ADGRE3: variants seen among roughly 807,000 people sequenced by gnomAD.
ADGRE3 encodes adhesion G protein-coupled receptor E3, also known as EGF-like module receptor 3.
ADGRE3 carries 88 observed loss-of-function variants against 80.1 expected under a neutral mutation model. The observed-to-expected ratio is 1.10, with a 90% CI of 0.93 to 1.31. ADGRE3 has a LOEUF of 1.31. Among genes scored for constraint, ADGRE3 ranks in the 40% most tolerant of loss-of-function variants. The probability of loss-of-function intolerance (pLI) is 0.00; values close to 1 mark genes in which losing one functional copy is unlikely to be tolerated. For missense variants in ADGRE3, 715 were observed against 776.5 expected (o/e 0.92, Z 0.94); for synonymous variants, 281 against 294.8 (o/e 0.95, Z 0.48).
intron 14 of ADGRE3, chr19:14,628,915 G>A (rs761960024): frequency 5.1e-5 from 8 of 156,202 alleles, no homozygotes; most frequent in Non-Finnish European, 1.1e-4. Flanking sequence ...TTGACTGGAA[G>A]CTTCTTCTTT....
At chr19:14,652,937 G>A (rs1971647956) in intron 6 of ADGRE3, among the ~76,000 whole-genome samples, 1 of 151,892 alleles carries the variant, frequency 6.6e-6, no homozygotes. Flanking sequence ...CATTTAGTAC[G>A]TTTTAATGAA....
intron 6 of ADGRE3, among the ~76,000 whole-genome samples, chr19:14,652,290 C>G (rs1455645960): frequency 6.6e-6 from 1 of 151,956 alleles, no homozygotes; most frequent in Non-Finnish European, 1.5e-5. Flanking sequence ...ATCAATTACA[C>G]CTTAATAAAG....
In ADGRE3 at chr19:14,641,503, G is replaced by C. The variant is rs1971245638; in HGVS notation, c.1164C>G (p.Ser388Arg). The change falls in exon 10 of 16, where the codon AGC (serine) becomes AGG (arginine). Residue 388 changes from serine (S) to arginine (R), a missense_variant. Coordinates refer to ENST00000253673, the MANE Select transcript of ADGRE3 (RefSeq NM_032571.5). ...FLLCKAIRNT[S>R]TSLHLQLSLC... ...GCGAGAGCTGCAGATGCAGTGAGGT[G>C]CTGGTGTTCCGGATGGCTTTACACA... 3.7e-6 allele frequency: 6 copies of C among 1,613,634 alleles called. No homozygotes were observed. The highest frequency in any genetic ancestry group is 5.1e-6 in the Non-Finnish European group (6 of 1,179,698).
chr19:14,601,655 G>A, the ADGRE3 span, among the ~76,000 whole-genome samples: 1 of 152,164 alleles, frequency 6.6e-6, no homozygotes, highest in South Asian at 2.1e-4. Context: ...GTCTCACTCT[G>A]TCACTCAAGC....
chr19:14,603,895 T>C, the ADGRE3 span, among the ~76,000 whole-genome samples: 41 of 152,306 alleles, frequency 2.7e-4, no homozygotes, highest in African/African-American at 9.6e-4. Flanking sequence ...CTTAAACTGC[T>C]CTGATTTTGG....
rs1337667332 is a variant in ADGRE3, at chr19:14,633,394, T to G, written c.1485-92A>C. The stretch of plus-strand genomic sequence containing the variant: ...TCTCTTTTCCTACCAGAGAATTGTT[T>G]CCAGTTTCTCTTGAAAGTCAGCTGA... On this transcript the variant is annotated intron_variant, in intron 11 of 15. Coordinates refer to ENST00000253673, the MANE Select transcript of ADGRE3 (RefSeq NM_032571.5). 1.1e-5 allele frequency: 11 copies of G among 1,001,830 alleles called. 1 individual carries two copies. In the East Asian group the frequency reaches 3.0e-4, roughly 28 times the overall value. 62.1% of individuals were successfully genotyped at this position (1,001,830 alleles called of 1,614,324 possible). A position where few individuals can be genotyped will look rare whatever the true frequency, so the allele number is the denominator to read the frequency against.
chr19:14,666,898 T>C (rs1252912298), intron 2 of ADGRE3, among the ~76,000 whole-genome samples: 2 of 152,204 alleles, frequency 1.3e-5, no homozygotes, highest in Admixed American at 6.5e-5. Context: ...CTTACCATAC[T>C]GAGTATACTG....
intron 10 of ADGRE3, among the ~76,000 whole-genome samples, chr19:14,639,571 A>G (rs1971190359): frequency 6.6e-6 from 1 of 151,910 alleles, no homozygotes; most frequent in South Asian, 2.1e-4. Context: ...TGTCCAGCTA[A>G]TTTTGTTATT....
intron 9 of ADGRE3, 89 bp downstream of exon 9, chr19:14,644,019 G>GT (rs61276204): frequency 0.022 from 14,802 of 669,890 alleles, 32 homozygotes; most frequent in East Asian, 0.078. Flanking sequence ...CCTTTTTTCA[G>GT]TTTTTTTTTT....
At chr19:14,667,555 C>G (rs1400758187) in intron 2 of ADGRE3, among the ~76,000 whole-genome samples, 1 of 152,042 alleles carries the variant, frequency 6.6e-6, no homozygotes, top group Non-Finnish European at 1.5e-5. Context: ...ATAGATGAAG[C>G]TGGAAACCAT....
chr19:14,605,631 C>CT, the ADGRE3 span, among the ~76,000 whole-genome samples: 1 of 152,172 alleles, frequency 6.6e-6, no homozygotes, highest in South Asian at 2.1e-4. Flanking sequence ...AACCACCAGT[C>CT]TAATTTCTTT....
At chr19:14,633,919 G>T (rs1599612673) in intron 11 of ADGRE3, among the ~76,000 whole-genome samples, 3 of 151,276 alleles carry the variant, frequency 2.0e-5, no homozygotes, top group Admixed American at 1.3e-4. Context: ...TGGGATTACA[G>T]ATGTGCACCA....
At chr19:14,642,524 C>T (rs1013168149) in intron 9 of ADGRE3, among the ~76,000 whole-genome samples, 1 of 152,190 alleles carries the variant, frequency 6.6e-6, no homozygotes, top group Non-Finnish European at 1.5e-5. Flanking sequence ...ATTATTTCAT[C>T]ACCCAGGTAT....
intron 5 of ADGRE3, among the ~76,000 whole-genome samples, chr19:14,657,567 T>A (rs1368782501): frequency 6.6e-6 from 1 of 151,418 alleles, no homozygotes; most frequent in East Asian, 1.9e-4. Flanking sequence ...TATATATATA[T>A]AAGTAGATAC....
rs1185529266 is a variant in ADGRE3, at chr19:14,655,163, C to G, written c.396G>C (p.Leu132=). 2 of 1,607,916 alleles carry G rather than the reference C, an allele frequency of 1.2e-6. No homozygotes were observed. Among genetic ancestry groups the G allele is most frequent in the South Asian group, 2.2e-5 (2 of 89,600 alleles). ...ACTCAAATTTGTCCACAATCTTTTG[C>G]AGCTTTGAAGACATAAAGAATTTTC... The part of the protein sequence containing the change: ...SSKTTEGRKE[L]QKIVDKFESL... The change falls in exon 6 of 16, where the codon CTG becomes CTC. Residue 132 remains leucine (L), a splice_region_variant and synonymous_variant. Coordinates refer to ENST00000253673, the MANE Select transcript of ADGRE3 (RefSeq NM_032571.5).
chr19:14,605,161 G>A, the ADGRE3 span, among the ~76,000 whole-genome samples: 2 of 151,134 alleles, frequency 1.3e-5, no homozygotes, highest in South Asian at 2.1e-4. Context: ...GCACTGTCGC[G>A]ATCTCAGCTC....
intron 15 of ADGRE3, among the ~76,000 whole-genome samples, chr19:14,624,305 G>A (rs1370145480): frequency 6.6e-6 from 1 of 152,066 alleles, no homozygotes; most frequent in Non-Finnish European, 1.5e-5. Context: ...TGTTGGTCAG[G>A]CTGGTCTCGA....
the ADGRE3 span, among the ~76,000 whole-genome samples, chr19:14,613,679 T>C: frequency 1.3e-5 from 2 of 151,640 alleles, no homozygotes; most frequent in Non-Finnish European, 2.9e-5. Context: ...TGTTCTTTTA[T>C]TTCGTTATTA....
intron 5 of ADGRE3, among the ~76,000 whole-genome samples, chr19:14,657,743 A>T (rs34690463): frequency 0.044 from 3,795 of 86,556 alleles, 68 homozygotes; most frequent in African/African-American, 0.092. Context: ...ATATATATAT[A>T]TATTTTTTTG....
Sources: allele counts gnomAD v4.1 joint callset (sites outside exome capture counted in the v4.1 genomes callset), GRCh38; gene constraint gnomAD v4.1.1; transcripts MANE v1.5; gene names NCBI Gene and HGNC (gene_info 2026-07-23, HGNC 2026-07-21).